The following RTTN variants were observed in gnomAD, a reference collection of about 807,000 sequenced individuals.
RTTN encodes rotatin.
RTTN carries 182 observed loss-of-function variants against 269.2 expected under a neutral mutation model. That is an observed-to-expected ratio of 0.68 (90% CI 0.60 to 0.76). The LOEUF is 0.76. Among genes scored for constraint, RTTN ranks in the 30% least tolerant of loss-of-function variants. RTTN has a pLI of 0.00. For missense variants in RTTN, 2,545 were observed against 2,608.6 expected (o/e 0.98, Z 0.53); for synonymous variants, 1,006 against 963.5 (o/e 1.04, Z -0.82).
In RTTN at chr18:70,092,167, A is replaced by G; in HGVS notation, c.4086T>C (p.Ile1362=). ...ACCAAGCCAATCCTTGTTGAGTAGGAATATGTTCTTCACTATGACTACCCA... is the reference window on the plus strand; with the variant it reads ...ACCAAGCCAATCCTTGTTGAGTAGGGATATGTTCTTCACTATGACTACCCA... ...LPLGSHSEEH[I]PTQQGLAWLI... Residue 1362 remains isoleucine (I), a synonymous_variant, in exon 30 of 49, where the codon ATT becomes ATC. Transcript: ENST00000640769. 1 of 1,613,734 alleles carries G rather than the reference A, an allele frequency of 6.2e-7. No homozygotes were observed. Among genetic ancestry groups the G allele is most frequent in the Non-Finnish European group, 8.5e-7 (1 of 1,179,700 alleles).
chr18:70,114,402 TTCTA>T (rs1286715248), intron 27 of RTTN, 39 bp downstream of exon 27: 13 of 1,556,668 alleles, frequency 8.4e-6, no homozygotes, highest in Non-Finnish European at 1.1e-5. Context: ...AAAACTTGGG[TTCTA>T]TATAAATGCA....
Position 70,135,995 on chromosome 18 carries a change from C to G in RTTN, c.2789-715G>C, listed in dbSNP as rs1046649723. 6.6e-5 allele frequency among the ~76,000 whole-genome samples: 10 copies of G among 152,090 alleles called. No homozygotes were observed. The East Asian group carries it at 1.9e-3, about 29-fold the overall frequency. On this transcript the variant is annotated intron_variant, in intron 21 of 48. Transcript: ENST00000640769. ...GTACGATGTTATCTCACAGGAATAA[C>G]AACATAATACACAGTTAGCAAATTC...
At chr18:70,124,099 G>A (rs1421722426) in intron 25 of RTTN, among the ~76,000 whole-genome samples, 1 of 151,686 alleles carries the variant, frequency 6.6e-6, no homozygotes, top group African/African-American at 2.4e-5. Context: ...ATCATTTAAA[G>A]CAGGGTGGGG....
Position 70,121,782 on chromosome 18 carries a change from A to T in RTTN, c.3384-82T>A, listed in dbSNP as rs370555752. Reference sequence around the variant, plus strand: ...TGTTCATCATAGATATGTGGACTTAACAGATGTCTTGTGAGGATGCTATTT... The same window carrying T: ...TGTTCATCATAGATATGTGGACTTATCAGATGTCTTGTGAGGATGCTATTT... On this transcript the variant is annotated intron_variant, in intron 25 of 48. Transcript: ENST00000640769. 13 of 1,290,106 alleles carry T rather than the reference A, an allele frequency of 1.0e-5. No homozygotes were observed. In the African/African-American group the frequency reaches 1.1e-4, roughly 11 times the overall value. The allele number at this position is 1,290,106 out of a possible 1,614,324, so 79.9% of individuals were successfully genotyped here. A position where few individuals can be genotyped will look rare whatever the true frequency, so the allele number is the denominator to read the frequency against.
At chr18:70,199,885 T>G (rs149244874) in intron 4 of RTTN, among the ~76,000 whole-genome samples, 2,937 of 152,306 alleles carry the variant, frequency 0.019, 43 homozygotes, top group Non-Finnish European at 0.03. Context: ...CTTTTCAAAA[T>G]TAAAAATGAT....
In RTTN at chr18:70,142,367, T is replaced by C. The variant is rs560122382; in HGVS notation, c.2502A>G (p.Val834=). 1.9e-6 allele frequency: 3 copies of C among 1,596,796 alleles called. No individual in the cohort carries two copies. Among genetic ancestry groups the C allele is most frequent in the East Asian group, 2.2e-5 (1 of 44,782 alleles). Residue 834 remains valine (V), a synonymous_variant, in exon 19 of 49, where the codon GTA becomes GTG. Coordinates refer to ENST00000640769, the MANE Select transcript of RTTN (RefSeq NM_173630.4). ...CATCATCTGAGGTGAAGATTTCATA[T>C]ACCTTTTCAACAGTCTCCAACTACA... ...LVIKLETVEK[V]YEIFTSDDVD...
chr18:70,114,657 A>G, intron 26 of RTTN, 58 bp from the exon 27 acceptor site: 1 of 1,523,240 alleles, frequency 6.6e-7, no homozygotes. Flanking sequence ...ATTGTTTCCT[A>G]TAAAGGGTTT....
chr18:70,073,859 T>A (rs781128519), intron 34 of RTTN, 47 bp downstream of exon 34: 2 of 1,435,690 alleles, frequency 1.4e-6, no homozygotes, highest in Admixed American at 1.7e-5. Context: ...AAACTCAAAT[T>A]TTTTCAGAGA....
chr18:70,129,102 A>G (rs1277806717), intron 23 of RTTN: 2 of 152,146 alleles, frequency 1.3e-5, no homozygotes, highest in Non-Finnish European at 1.5e-5. Context: ...GAACCAAGAA[A>G]TATGTTTAGA....
intron 21 of RTTN, among the ~76,000 whole-genome samples, chr18:70,136,199 G>T (rs1249012579): frequency 7.6e-6 from 1 of 131,868 alleles, no homozygotes; most frequent in Non-Finnish European, 1.6e-5. Context: ...TGAATAGAAT[G>T]AACCATAATA....
chr18:70,111,764 G>C (rs937966189), intron 27 of RTTN, among the ~76,000 whole-genome samples: 10 of 152,138 alleles, frequency 6.6e-5, no homozygotes. Context: ...CCCCAATCTA[G>C]CAAGACAGGC....
chr18:70,202,806 G>C (rs2061985302), intron 3 of RTTN, among the ~76,000 whole-genome samples: 1 of 152,164 alleles, frequency 6.6e-6, no homozygotes, highest in Non-Finnish European at 1.5e-5. Context: ...GCTGCTTTAA[G>C]ATTTAACAAG....
intron 28 of RTTN, among the ~76,000 whole-genome samples, chr18:70,107,735 G>A (rs2059358109): frequency 6.6e-6 from 1 of 152,148 alleles, no homozygotes; most frequent in South Asian, 2.1e-4. Flanking sequence ...GCTCAACAAA[G>A]CCAAAGGTTC....
In RTTN at chr18:70,127,628, C is replaced by G. The variant is rs199762299; in HGVS notation, c.3257G>C (p.Arg1086Thr). The change falls in exon 25 of 49, where the codon AGG becomes ACG. Residue 1086 changes from arginine (R) to threonine (T), a missense_variant. Physicochemically the swap from Arg to Thr is moderately conservative, Grantham distance 71. Coordinates refer to ENST00000640769, the MANE Select transcript of RTTN (RefSeq NM_173630.4). ...LHSIVQAATH[R>T]EVRAAVTRMS... ...CCTGGTGACAGCAGCCCTAACTTCCCTGTGGGTTGCAGCCTGAACAATGGA... is the reference window on the plus strand; with the variant it reads ...CCTGGTGACAGCAGCCCTAACTTCCGTGTGGGTTGCAGCCTGAACAATGGA... 20 of 1,613,582 alleles carry G rather than the reference C, an allele frequency of 1.2e-5. No individual in the cohort carries two copies. In the East Asian group the frequency reaches 3.8e-4, roughly 31 times the overall value.
chr18:70,158,210 G>A (rs896581614), intron 14 of RTTN, among the ~76,000 whole-genome samples: 8 of 151,862 alleles, frequency 5.3e-5, no homozygotes, highest in Admixed American at 3.3e-4. Flanking sequence ...AGAAAGAGCA[G>A]GTCACATATA....
intron 40 of RTTN, among the ~76,000 whole-genome samples, chr18:70,036,138 A>AT (rs1435292425): frequency 1.4e-4 from 22 of 152,204 alleles, no homozygotes; most frequent in Non-Finnish European, 2.5e-4. Flanking sequence ...CAGTGTGGTG[A>AT]TTCCTCAACA....
chr18:70,011,699 T>C (rs1282236487), intron 46 of RTTN, among the ~76,000 whole-genome samples: 2 of 152,226 alleles, frequency 1.3e-5, no homozygotes, highest in African/African-American at 4.8e-5. Context: ...TGCCATTTCT[T>C]ACCACTCCTG....
intron 46 of RTTN, chr18:70,008,523 A>G (rs978670751): frequency 6.6e-6 from 1 of 152,112 alleles, no homozygotes; most frequent in African/African-American, 2.4e-5. Context: ...AGGTTACAGG[A>G]AATGCTAACT....
intron 10 of RTTN, among the ~76,000 whole-genome samples, chr18:70,184,044 C>T (rs1342816071): frequency 6.6e-6 from 1 of 152,132 alleles, no homozygotes; most frequent in Non-Finnish European, 1.5e-5. Flanking sequence ...CTTCAGAACC[C>T]TCCCAAAGTG....
Sources: allele counts gnomAD v4.1 joint callset (sites outside exome capture counted in the v4.1 genomes callset), GRCh38; gene constraint gnomAD v4.1.1; transcripts MANE v1.5; gene names NCBI Gene and HGNC (gene_info 2026-07-23, HGNC 2026-07-21).